Variants in NDUFA5 observed in about 807,000 individuals in gnomAD.
The protein encoded by NDUFA5 is NADH:ubiquinone oxidoreductase subunit A5.
Under a neutral mutation model 19.8 loss-of-function variants are expected in NDUFA5, and 11 were observed. The observed-to-expected ratio is 0.56, with a 90% confidence interval of 0.35 to 0.92. The LOEUF (loss-of-function observed/expected upper bound fraction) is 0.92. NDUFA5 is among the 40% of genes least tolerant of loss of function. The pLI, the probability that NDUFA5 is intolerant of heterozygous loss-of-function variation, is 0.01. For synonymous variants in NDUFA5, 47 were observed against 46.8 expected, an observed-to-expected ratio of 1.00 and a Z score of -0.01; for missense variants, 109 against 134.2, an observed-to-expected ratio of 0.81 and a Z score of 0.93.
chr7:123,587,370 T>A, the NDUFA5 span, among the ~76,000 whole-genome samples: 175 of 151,880 alleles, frequency 1.2e-3, no homozygotes, highest in African/African-American at 4.0e-3. Flanking sequence ...ATAGAAATAC[T>A]ACTAATTTCT....
At chr7:123,578,930 C>A in the NDUFA5 span, among the ~76,000 whole-genome samples, 2 of 151,838 alleles carry the variant, frequency 1.3e-5, no homozygotes, top group African/African-American at 2.4e-5. Context: ...ATTTTAGATT[C>A]GGGTGGTACA....
chr7:123,557,271 G>A, intron 2 of NDUFA5, 133 bp downstream of exon 2: 4 of 1,274,428 alleles, frequency 3.1e-6, no homozygotes, highest in Non-Finnish European at 4.5e-6. Context: ...CAGCGCCCGT[G>A]TCTCAAGAGC....
chr7:123,590,689 T>C, the NDUFA5 span, among the ~76,000 whole-genome samples: 1 of 152,206 alleles, frequency 6.6e-6, no homozygotes, highest in South Asian at 2.1e-4. Flanking sequence ...TATCTCTGTT[T>C]TGGTTACTGT....
the NDUFA5 span, among the ~76,000 whole-genome samples, chr7:123,585,473 C>T: frequency 0.017 from 2,635 of 151,784 alleles, 78 homozygotes; most frequent in African/African-American, 0.06. Flanking sequence ...TTCTTACTTA[C>T]GTTTATGCTT....
the NDUFA5 span, chr7:123,598,673 G>A: frequency 1.3e-5 from 2 of 152,144 alleles, no homozygotes; most frequent in African/African-American, 4.8e-5. Flanking sequence ...AACTTTACTA[G>A]ACAAAGTGAA....
the NDUFA5 span, among the ~76,000 whole-genome samples, chr7:123,576,198 AT>A: frequency 6.7e-6 from 1 of 149,910 alleles, no homozygotes; most frequent in Non-Finnish European, 1.5e-5. Context: ...TTCAAATTTG[AT>A]TTTCACTTTT....
At chr7:123,566,856 G>A in the NDUFA5 span, among the ~76,000 whole-genome samples, 3 of 152,280 alleles carry the variant, frequency 2.0e-5, no homozygotes, top group East Asian at 1.9e-4. Context: ...GGCAATGCTG[G>A]TATAGTCACT....
At chr7:123,542,402 G>A (rs1483100356) in intron 4 of NDUFA5, among the ~76,000 whole-genome samples, 182 bp from the exon 5 acceptor site, 2 of 152,148 alleles carry the variant, frequency 1.3e-5, no homozygotes, top group East Asian at 3.9e-4. Context: ...ATAATCAGGA[G>A]TAAGAAAGGA....
chr7:123,590,094 G>GT, the NDUFA5 span, among the ~76,000 whole-genome samples: 1,172 of 152,208 alleles, frequency 7.7e-3, 18 homozygotes, highest in African/African-American at 0.027. Context: ...TTCTTCATGT[G>GT]TTTTTTGGCT....
At position 123,553,784 on chromosome 7, in the gene NDUFA5, T is replaced by C. The variant is rs1174052387; in HGVS notation, c.67-3198A>G. On this transcript the variant is annotated intron_variant, in intron 2 of 4. Coordinates refer to ENST00000355749, the MANE Select transcript of NDUFA5 (RefSeq NM_005000.5). ...GTAAGATGGGAATAATACTGCCTCA[T>C]AGGGTATATACAACTTAGAACAGTA... is the stretch of plus-strand genomic sequence containing the variant. Among the ~76,000 whole-genome samples, 6 of 152,260 alleles carry C rather than the reference T, an allele frequency of 3.9e-5. No homozygotes were observed. The East Asian group carries it at 1.2e-3, about 29-fold the overall frequency.
the NDUFA5 span, among the ~76,000 whole-genome samples, chr7:123,584,022 C>T: frequency 6.6e-6 from 1 of 151,936 alleles, no homozygotes; most frequent in African/African-American, 2.4e-5. Context: ...GAGTTCATCC[C>T]TTAAACATCT....
At position 123,550,370 on chromosome 7, in the gene NDUFA5, G is replaced by A. The variant is rs184689516; in HGVS notation, c.183+100C>T. 178 of 723,082 alleles carry A rather than the reference G, an allele frequency of 2.5e-4. 2 individuals are homozygous for A. The East Asian group carries it at 4.3e-3, about 18-fold the overall frequency. The allele number at this position is 723,082 out of a possible 1,614,324, so 44.8% of individuals were successfully genotyped here. ...TGATGGGAAAAGAGCATTCAAGGAA[G>A]GAGAATAGAAGAAAAGTGTGTCGAA... is the stretch of plus-strand genomic sequence containing the variant. On this transcript the variant is annotated intron_variant, in intron 3 of 4. Transcript: ENST00000355749.
the NDUFA5 span, among the ~76,000 whole-genome samples, chr7:123,564,892 G>GACACACACACACACACACAC: frequency 2.7e-5 from 4 of 147,582 alleles, no homozygotes; most frequent in African/African-American, 1.0e-4. Flanking sequence ...GAAGCATCTG[G>GACACACACACACACACACAC]ACACACACAC....
At chr7:123,544,206 A>G (rs1798041072) in intron 4 of NDUFA5, among the ~76,000 whole-genome samples, 2 of 151,968 alleles carry the variant, frequency 1.3e-5, no homozygotes, top group African/African-American at 2.4e-5. Flanking sequence ...TCACCAAATA[A>G]AAAAAATTTG....
chr7:123,564,892 G>GACACACACAC, the NDUFA5 span, among the ~76,000 whole-genome samples: 1,080 of 147,648 alleles, frequency 7.3e-3, 14 homozygotes, highest in African/African-American at 0.026. Context: ...GAAGCATCTG[G>GACACACACAC]ACACACACAC....
intron 1 of NDUFA5, 155 bp from the exon 2 acceptor site, chr7:123,557,603 C>T (rs1411462315): frequency 2.5e-6 from 4 of 1,613,254 alleles, no homozygotes; most frequent in Non-Finnish European, 3.4e-6. Context: ...TTTTTCCTGA[C>T]TCTCGGAGCG....
chr7:123,576,445 C>T, the NDUFA5 span, among the ~76,000 whole-genome samples: 1 of 152,104 alleles, frequency 6.6e-6, no homozygotes, highest in South Asian at 2.1e-4. Context: ...AAAAGTTTTG[C>T]TTTTTTCTAT....
intron 2 of NDUFA5, chr7:123,556,607 C>CAAA (rs139768796): frequency 1.7e-4 from 33 of 192,676 alleles, no homozygotes; most frequent in South Asian, 6.9e-4. Flanking sequence ...TCAAATGTGT[C>CAAA]AAAAAAAAAA....
intron 4 of NDUFA5, among the ~76,000 whole-genome samples, chr7:123,543,319 G>C (rs916403158): frequency 1.3e-5 from 2 of 152,132 alleles, no homozygotes; most frequent in East Asian, 1.9e-4. Context: ...TTGAGAATCA[G>C]CCCTATCTCA....
Sources: allele counts gnomAD v4.1 joint callset (sites outside exome capture counted in the v4.1 genomes callset), GRCh38; gene constraint gnomAD v4.1.1; transcripts MANE v1.5; gene names NCBI Gene and HGNC (gene_info 2026-07-23, HGNC 2026-07-21).